The following MGMT variants were observed in gnomAD, a reference collection of about 807,000 sequenced individuals.
MGMT encodes methylated-DNA--protein-cysteine methyltransferase.
A neutral mutation model predicts 15.9 loss-of-function variants in MGMT; 14 were observed. The ratio of observed to expected loss-of-function variants is 0.88; its 90% CI spans 0.58 to 1.37. The LOEUF (loss-of-function observed/expected upper bound fraction) is 1.37, where lower values mean the gene tolerates loss of function less well. MGMT is among the 40% of genes most tolerant of loss of function. The pLI, the probability that MGMT is intolerant of heterozygous loss-of-function variation, is 0.00. For synonymous variants in MGMT, 130 were observed against 118.2 expected (o/e 1.10, Z -0.65); for missense variants, 282 against 268.1 (o/e 1.05, Z -0.36).
intron 1 of MGMT, among the ~76,000 whole-genome samples, chr10:129,505,084 G>A (rs964606737): frequency 1.3e-5 from 2 of 152,158 alleles, no homozygotes; most frequent in African/African-American, 4.8e-5. Flanking sequence ...TGGGAGTACA[G>A]CACTGGTATG....
chr10:129,678,256 C>T (rs1847808004), intron 2 of MGMT, among the ~76,000 whole-genome samples: 2 of 151,798 alleles, frequency 1.3e-5, no homozygotes, highest in South Asian at 2.1e-4. Context: ...AATGAAGCCA[C>T]CAGTGGTGGC....
chr10:129,624,286 C>G (rs1291260094), intron 2 of MGMT, among the ~76,000 whole-genome samples: 1 of 152,188 alleles, frequency 6.6e-6, no homozygotes, highest in East Asian at 1.9e-4. Context: ...CCCCCGGGGA[C>G]AGTTTCCATC....
At chr10:129,664,122 C>G (rs1052341193) in intron 2 of MGMT, among the ~76,000 whole-genome samples, 24 of 152,146 alleles carry the variant, frequency 1.6e-4, no homozygotes, top group Non-Finnish European at 3.4e-4. Flanking sequence ...ACAAATATAA[C>G]CTTTCTATGC....
rs60284981 is a variant in MGMT, at chr10:129,657,674, AACACAC to A, written c.126-50194_126-50189del. On this transcript the variant is annotated intron_variant, in intron 2 of 4. Transcript: ENST00000651593. ...GGGGGACAGGCTGGCCAGCTCCTCC[AACACAC>A]ACACACACACACACACACACACACA... 7.5e-3 allele frequency among the ~76,000 whole-genome samples: 700 copies of A among 93,502 alleles called. 5 individuals are homozygous for A. Among genetic ancestry groups the A allele is most frequent in the African/African-American group, 0.021 (591 of 27,804 alleles). The allele number at this position is 93,502 out of a possible 152,430, so 61.3% of individuals were successfully genotyped here.
chr10:129,664,337 C>T (rs909703800), intron 2 of MGMT, among the ~76,000 whole-genome samples: 1 of 152,166 alleles, frequency 6.6e-6, no homozygotes, highest in African/African-American at 2.4e-5. Flanking sequence ...GGAATTATTT[C>T]ATGTGTATGT....
At position 129,585,640 on chromosome 10, in the gene MGMT, G is replaced by C. The variant is rs148078254; in HGVS notation, c.125+49263G>C. Among the ~76,000 whole-genome samples, 62 of 152,262 alleles carry C rather than the reference G, an allele frequency of 4.1e-4. 1 individual carries two copies. The East Asian group carries it at 0.011, about 27-fold the overall frequency. ...ATCACTTCATTCTTGTGAATTCAAC[G>C]TAGTCCTTAACATATAGCAAATTCA... On this transcript the variant is annotated intron_variant, in intron 2 of 4. Transcript: ENST00000651593.
chr10:129,514,700 T>G (rs1845719392), intron 1 of MGMT, among the ~76,000 whole-genome samples: 1 of 152,016 alleles, frequency 6.6e-6, no homozygotes, highest in Non-Finnish European at 1.5e-5. Context: ...TCCAAAGAGG[T>G]AGAGCCCTCG....
At position 129,609,811 on chromosome 10, in the gene MGMT, G is replaced by A. The variant is rs969989289; in HGVS notation, c.125+73434G>A. ...TGGTGCAGAGGAGGAGGAGCAGTGC[G>A]GAGATTTCACCTGGGGGGACACCAC... On this transcript the variant is annotated intron_variant, in intron 2 of 4. Coordinates refer to ENST00000651593, the MANE Select transcript of MGMT (RefSeq NM_002412.5). Among the ~76,000 whole-genome samples the A allele has an allele frequency of 3.9e-5, 6 of 152,230 alleles. No homozygotes were observed. In the South Asian group the frequency reaches 1.0e-3, roughly 26 times the overall value.
Position 129,483,809 on chromosome 10 carries a change from G to A in MGMT, c.-13+16513G>A, listed in dbSNP as rs188663159. On this transcript the variant is annotated intron_variant, in intron 1 of 4. Coordinates refer to ENST00000651593, the MANE Select transcript of MGMT (RefSeq NM_002412.5). Reference sequence around the variant, plus strand: ...CATATCCCTTATCTGAAATGGTTGGGACTAGAAGTGTTTCTGATTTTGGAT... The same window carrying A: ...CATATCCCTTATCTGAAATGGTTGGAACTAGAAGTGTTTCTGATTTTGGAT... Among the ~76,000 whole-genome samples, 675 of 151,962 alleles carry A rather than the reference G, an allele frequency of 4.4e-3. 4 individuals carry two copies. Among genetic ancestry groups the A allele is most frequent in the Non-Finnish European group, 6.3e-3 (429 of 67,980 alleles).
At chr10:129,739,286 C>G (rs937764780) in intron 3 of MGMT, among the ~76,000 whole-genome samples, 4 of 152,174 alleles carry the variant, frequency 2.6e-5, no homozygotes, top group Middle Eastern at 3.2e-3. Flanking sequence ...CAACATACTG[C>G]TGGAAGTTCT....
chr10:129,514,026 C>A (rs1845712088), intron 1 of MGMT, among the ~76,000 whole-genome samples: 1 of 152,190 alleles, frequency 6.6e-6, no homozygotes, highest in Non-Finnish European at 1.5e-5. Context: ...AGCATTTTTC[C>A]TCTAATTCAG....
chr10:129,477,104 C>T (rs1228279626), intron 1 of MGMT, among the ~76,000 whole-genome samples: 1 of 152,114 alleles, frequency 6.6e-6, no homozygotes, highest in Non-Finnish European at 1.5e-5. Context: ...GGACTCGTGT[C>T]CCTCTCTTCC....
rs147754199 is a variant in MGMT at position 129,498,132 on chromosome 10, GAC to G, written c.-13+30838_-13+30839del. Among the ~76,000 whole-genome samples the G allele has an allele frequency of 1.1e-4, 16 of 152,366 alleles. No individual in the cohort carries two copies. In the East Asian group the frequency reaches 2.9e-3, roughly 28 times the overall value. On this transcript the variant is annotated intron_variant, in intron 1 of 4. Transcript: ENST00000651593. The stretch of plus-strand genomic sequence containing the variant: ...GTTTGCTGATGTTGTCTCACAGAGA[GAC>G]AGAGGTTACGTGTTTTTGGTAAGAA...
At chr10:129,699,619 G>A (rs903687952) in intron 2 of MGMT, among the ~76,000 whole-genome samples, 1 of 152,114 alleles carries the variant, frequency 6.6e-6, no homozygotes, top group Non-Finnish European at 1.5e-5. Flanking sequence ...ATTCATTTTG[G>A]GATGGGGTTG....
chr10:129,580,171 C>G (rs1333006032), intron 2 of MGMT, among the ~76,000 whole-genome samples: 1 of 152,126 alleles, frequency 6.6e-6, no homozygotes. Flanking sequence ...GGAGTATTCC[C>G]CATTAACGGG....
At chr10:129,736,901 G>A (rs1323878928) in intron 3 of MGMT, among the ~76,000 whole-genome samples, 4 of 152,178 alleles carry the variant, frequency 2.6e-5, no homozygotes, top group Non-Finnish European at 4.4e-5. Flanking sequence ...ATTCTCTTCT[G>A]GCTTGTAGAG....
chr10:129,699,995 G>A (rs921186016), intron 2 of MGMT, among the ~76,000 whole-genome samples: 2 of 151,928 alleles, frequency 1.3e-5, no homozygotes, highest in African/African-American at 2.4e-5. Context: ...TGTTTGTTAC[G>A]TAAACTTAAG....
At chr10:129,518,990 A>T (rs1022712983) in intron 1 of MGMT, among the ~76,000 whole-genome samples, 1 of 152,070 alleles carries the variant, frequency 6.6e-6, no homozygotes, top group African/African-American at 2.4e-5. Flanking sequence ...CCTGGTGGTG[A>T]TTGTCTGGGG....
chr10:129,623,296 G>A lies in MGMT; in HGVS notation c.126-84599G>A, dbSNP rs547354875. Among the ~76,000 whole-genome samples, 13 of 152,256 alleles carry A rather than the reference G, an allele frequency of 8.5e-5. No homozygotes were observed. In the South Asian group the frequency reaches 1.5e-3, roughly 17 times the overall value. On this transcript the variant is annotated intron_variant, in intron 2 of 4. Coordinates refer to ENST00000651593, the MANE Select transcript of MGMT (RefSeq NM_002412.5). ...GTTCAGACCTGGTGCTCCCTGAGCC[G>A]CGCTGAGCAGCAGTTCAGCGGGGAT...
Sources: gnomAD v4.1 joint callset for allele counts (sites outside exome capture counted in the v4.1 genomes callset) on GRCh38, gnomAD v4.1.1 for gene constraint, MANE v1.5 for transcripts, NCBI Gene and HGNC (gene_info 2026-07-23, HGNC 2026-07-21) for gene names.